NELL1: variants seen among roughly 807,000 people sequenced by gnomAD.
NELL1 encodes the protein neural EGFL like 1, also known as protein kinase C-binding protein NELL1.
NELL1 carries 76 observed loss-of-function variants against 107.4 expected under a neutral mutation model. The observed-to-expected ratio is 0.71, with a 90% confidence interval of 0.59 to 0.86. NELL1 has a LOEUF of 0.86. Among genes scored for constraint, NELL1 ranks in the 40% least tolerant of loss-of-function variants. NELL1 has a pLI of 0.00. For missense variants in NELL1, 1,024 were observed against 1,005.5 expected (o/e 1.02, Z -0.25); for synonymous variants, 353 against 341.2 (o/e 1.03, Z -0.38).
At chr11:21,485,878 C>T (rs1200467362) in intron 15 of NELL1, among the ~76,000 whole-genome samples, 9 of 152,042 alleles carry the variant, frequency 5.9e-5, no homozygotes, top group African/African-American at 2.2e-4. Flanking sequence ...CATGTGTTGG[C>T]ACCTAAACAC....
chr11:21,081,475 C>A (rs1854267549), intron 12 of NELL1, among the ~76,000 whole-genome samples: 2 of 152,062 alleles, frequency 1.3e-5, no homozygotes, highest in Non-Finnish European at 2.9e-5. Flanking sequence ...TCCAAATGCC[C>A]AATTACTATT....
At position 21,046,475 on chromosome 11, in the gene NELL1, A is replaced by G. The variant is rs1367792191; in HGVS notation, c.1301-67114A>G. On this transcript the variant is annotated intron_variant, in intron 12 of 19. Coordinates refer to ENST00000357134, the MANE Select transcript of NELL1 (RefSeq NM_006157.5). Reference sequence around the variant, plus strand: ...TCTCTCTCTGGTTTCCTCTTTTCCCATCACTGCAAGACCTTCGTTTATATC... The same window carrying G: ...TCTCTCTCTGGTTTCCTCTTTTCCCGTCACTGCAAGACCTTCGTTTATATC... Among the ~76,000 whole-genome samples the G allele has an allele frequency of 2.0e-5, 3 of 152,030 alleles. No individual in the cohort carries two copies. The East Asian group carries it at 5.8e-4, about 29-fold the overall frequency.
In NELL1 at chr11:21,369,833, T is replaced by A. The variant is rs1449760693; in HGVS notation, c.1550-1020T>A. 2.6e-5 allele frequency among the ~76,000 whole-genome samples: 4 copies of A among 152,118 alleles called. No homozygotes were observed. In the East Asian group the frequency reaches 5.8e-4, roughly 22 times the overall value. ...TTATCCAGCAAGGTTTGATATTAAA[T>A]TAACTGGATGGAAGAGTTGCAGAAT... On this transcript the variant is annotated intron_variant, in intron 14 of 19. Coordinates refer to ENST00000357134, the MANE Select transcript of NELL1 (RefSeq NM_006157.5).
chr11:20,848,101 G>A (rs767548762), intron 4 of NELL1, among the ~76,000 whole-genome samples: 7 of 152,130 alleles, frequency 4.6e-5, no homozygotes, highest in South Asian at 2.1e-4. Flanking sequence ...TGTTGAGTTC[G>A]TTCCACTGGG....
intron 2 of NELL1, 133 bp downstream of exon 2, chr11:20,678,193 G>A (rs1854108833): frequency 2.1e-6 from 2 of 970,060 alleles, no homozygotes; most frequent in Non-Finnish European, 3.2e-6. Context: ...TGAGTGTTTA[G>A]ATATGCAGGG....
At chr11:21,142,911 G>A (rs1453113731) in intron 13 of NELL1, among the ~76,000 whole-genome samples, 1 of 152,184 alleles carries the variant, frequency 6.6e-6, no homozygotes, top group Non-Finnish European at 1.5e-5. Context: ...CGCACGGTAT[G>A]GCACAATTAA....
At chr11:21,144,415 G>C (rs1855931482) in intron 13 of NELL1, among the ~76,000 whole-genome samples, 1 of 152,180 alleles carries the variant, frequency 6.6e-6, no homozygotes, top group African/African-American at 2.4e-5. Context: ...ATCTGTTTTT[G>C]TGTTGGAGGC....
intron 4 of NELL1, among the ~76,000 whole-genome samples, chr11:20,879,207 G>A (rs1454679353): frequency 6.6e-6 from 1 of 152,120 alleles, no homozygotes; most frequent in Non-Finnish European, 1.5e-5. Flanking sequence ...CACTACCAGA[G>A]TCTTGAAGAC....
intron 3 of NELL1, among the ~76,000 whole-genome samples, chr11:20,797,198 G>T (rs1264835374): frequency 6.6e-6 from 1 of 152,146 alleles, no homozygotes; most frequent in African/African-American, 2.4e-5. Flanking sequence ...TGATTAGGGT[G>T]GTACTTTAGA....
At chr11:20,931,031 C>T (rs182138056) in intron 9 of NELL1, among the ~76,000 whole-genome samples, 48 of 152,262 alleles carry the variant, frequency 3.2e-4, no homozygotes, top group Non-Finnish European at 6.5e-4. Context: ...TTTCATTTCT[C>T]ACTAGTTTTT....
Position 21,229,353 on chromosome 11 carries a change from G to T in NELL1, c.1448G>T (p.Gly483Val). ...SCTEHDECGS[G>V]QHNCDENAIC... ...ACAGAACACGATGAATGTGGCAGCG[G>T]CCAGCACAACTGTGATGAGAATGCC... Residue 483 changes from glycine to valine, a missense_variant, in exon 14 of 20, where the codon GGC becomes GTC. Coordinates refer to ENST00000357134, the MANE Select transcript of NELL1 (RefSeq NM_006157.5). 1 of 1,613,934 alleles carries T rather than the reference G, an allele frequency of 6.2e-7. No homozygotes were observed. Among genetic ancestry groups the T allele is most frequent in the Non-Finnish European group, 8.5e-7 (1 of 1,179,898 alleles).
intron 2 of NELL1, among the ~76,000 whole-genome samples, chr11:20,748,872 T>TCATCCATCCATCCATCCATC (rs59483612): frequency 2.7e-5 from 4 of 145,950 alleles, no homozygotes; most frequent in South Asian, 2.2e-4. Context: ...GCATATTCTA[T>TCATCCATCCATCCATCCATC]CATCCATCCA....
At chr11:21,209,425 A>G (rs1012173880) in intron 13 of NELL1, among the ~76,000 whole-genome samples, 1 of 151,324 alleles carries the variant, frequency 6.6e-6, no homozygotes, top group Admixed American at 6.6e-5. Context: ...TATGGCATAT[A>G]CCTGGGATTT....
At chr11:21,420,438 GA>G (rs369577659) in intron 15 of NELL1, among the ~76,000 whole-genome samples, 3 of 152,076 alleles carry the variant, frequency 2.0e-5, no homozygotes, top group African/African-American at 7.2e-5. Context: ...GATAGTGGCT[GA>G]AAATGGAAAA....
chr11:21,163,693 G>A (rs938772456), intron 13 of NELL1, among the ~76,000 whole-genome samples: 4 of 152,058 alleles, frequency 2.6e-5, no homozygotes, highest in African/African-American at 9.7e-5. Context: ...CAGCAGATTT[G>A]GTTTCTGATG....
intron 14 of NELL1, among the ~76,000 whole-genome samples, chr11:21,265,258 T>C (rs1590785946): frequency 1.3e-5 from 2 of 152,196 alleles, no homozygotes; most frequent in Middle Eastern, 6.8e-3. Flanking sequence ...CTTAATACTT[T>C]CTTTGCAAAG....
At chr11:20,942,536 C>T (rs1850877771) in intron 10 of NELL1, among the ~76,000 whole-genome samples, 1 of 152,152 alleles carries the variant, frequency 6.6e-6, no homozygotes, top group African/African-American at 2.4e-5. Context: ...CACATTATCA[C>T]ACAAGGATGT....
intron 7 of NELL1, among the ~76,000 whole-genome samples, chr11:20,920,117 T>C (rs1018395030): frequency 1.3e-5 from 2 of 152,116 alleles, no homozygotes; most frequent in African/African-American, 4.8e-5. Context: ...ACTGAAAATA[T>C]AGAAAATATG....
intron 14 of NELL1, among the ~76,000 whole-genome samples, chr11:21,264,773 G>A (rs992296162): frequency 3.3e-5 from 5 of 151,864 alleles, no homozygotes; most frequent in Non-Finnish European, 7.4e-5. Context: ...GTGCGTGCGT[G>A]TGTTGAACTA....
Sources: allele counts gnomAD v4.1 joint callset (sites outside exome capture counted in the v4.1 genomes callset), GRCh38; gene constraint gnomAD v4.1.1; transcripts MANE v1.5; gene names NCBI Gene and HGNC (gene_info 2026-07-23, HGNC 2026-07-21).